The following FABP7 variants were observed in gnomAD, a reference collection of about 807,000 sequenced individuals.
The protein encoded by FABP7 is fatty acid-binding protein, brain.
FABP7 carries 13 observed loss-of-function variants against 14.2 expected under a neutral mutation model. The observed-to-expected ratio is 0.91, with a 90% CI of 0.59 to 1.45. The LOEUF (loss-of-function observed/expected upper bound fraction) is 1.45, where lower values mean the gene tolerates loss of function less well. Ranked by LOEUF, FABP7 falls within the 40% of genes most tolerant of loss-of-function variation. The probability of loss-of-function intolerance (pLI) is 0.00; values close to 1 mark genes in which losing one functional copy is unlikely to be tolerated. For synonymous variants in FABP7, 49 were observed against 51.4 expected, an observed-to-expected ratio of 0.95 and a Z score of 0.20; for missense variants, 149 against 157.6, an observed-to-expected ratio of 0.95 and a Z score of 0.29.
chr6:122,764,323 G>T, the FABP7 span, among the ~76,000 whole-genome samples: 1 of 151,998 alleles, frequency 6.6e-6, no homozygotes, highest in African/African-American at 2.4e-5. Context: ...TCACTTATAG[G>T]TGGGAATTGA....
upstream of FABP7, among the ~76,000 whole-genome samples, chr6:122,779,195 C>T (rs76812357): frequency 4.0e-3 from 607 of 152,254 alleles, 4 homozygotes; most frequent in Non-Finnish European, 6.2e-3. Context: ...CTACTCTAGC[C>T]TGCATTTCGC....
chr6:122,781,740 C>CTTT (rs34336029), intron 3 of FABP7: 12,182 of 729,636 alleles, frequency 0.017, 7 homozygotes, highest in South Asian at 0.038. Flanking sequence ...AGTGATAACC[C>CTTT]TTTTTTTTTT....
At chr6:122,763,653 T>C in the FABP7 span, among the ~76,000 whole-genome samples, 1 of 152,180 alleles carries the variant, frequency 6.6e-6, no homozygotes, top group Non-Finnish European at 1.5e-5. Flanking sequence ...GACAAAGGGC[T>C]AATATCCAGA....
the FABP7 span, among the ~76,000 whole-genome samples, chr6:122,766,172 A>G: frequency 2.0e-5 from 3 of 152,050 alleles, no homozygotes; most frequent in South Asian, 2.1e-4. Context: ...GAGTTGGGAT[A>G]TTTTCTACAC....
the FABP7 span, among the ~76,000 whole-genome samples, chr6:122,757,823 G>A: frequency 1.3e-5 from 2 of 151,860 alleles, no homozygotes; most frequent in African/African-American, 2.4e-5. Flanking sequence ...TTAAGGTGCC[G>A]GAATAAAATA....
chr6:122,751,746 T>C, the FABP7 span, among the ~76,000 whole-genome samples: 24 of 152,264 alleles, frequency 1.6e-4, no homozygotes, highest in Non-Finnish European at 1.3e-4. Context: ...CTTCCAAATT[T>C]AAGAAGGATT....
upstream of FABP7, among the ~76,000 whole-genome samples, chr6:122,778,553 G>A (rs138295425): frequency 6.6e-6 from 1 of 152,318 alleles, no homozygotes; most frequent in African/African-American, 2.4e-5. Flanking sequence ...GGATTCTCCT[G>A]CTCTGTCCCC....
At chr6:122,773,244 A>G in the FABP7 span, among the ~76,000 whole-genome samples, 1 of 152,174 alleles carries the variant, frequency 6.6e-6, no homozygotes, top group Admixed American at 6.5e-5. Context: ...CAAAATGTCT[A>G]CAAATGTAAT....
the FABP7 span, among the ~76,000 whole-genome samples, chr6:122,765,816 A>G: frequency 1.3e-5 from 2 of 151,942 alleles, no homozygotes; most frequent in African/African-American, 2.4e-5. Context: ...ACTTCTACCT[A>G]CTGATATGCC....
In FABP7 at chr6:122,780,473, T is replaced by G. The variant is rs1451682998; in HGVS notation, c.246+10T>G. The G allele has an allele frequency of 6.2e-7, 1 of 1,606,440 alleles. No individual in the cohort carries two copies. The highest frequency in any genetic ancestry group is 1.1e-5 in the South Asian group (1 of 89,110). ...TGATAGAAACTGTAAGGTGAGAAAC[T>G]GCTTCTTCTTCAGAGTGGGGATGGG... On this transcript the variant is annotated intron_variant, in intron 2 of 3. Transcript: ENST00000368444.
chr6:122,761,496 C>G, the FABP7 span, among the ~76,000 whole-genome samples: 6 of 152,028 alleles, frequency 3.9e-5, no homozygotes, highest in African/African-American at 1.2e-4. Context: ...AGAGTCAAAA[C>G]AAGAAAATCT....
the FABP7 span, among the ~76,000 whole-genome samples, chr6:122,763,201 A>G: frequency 3.3e-5 from 5 of 152,196 alleles, no homozygotes; most frequent in Admixed American, 6.5e-5. Context: ...ATATAGATCA[A>G]TGGAACAGAA....
chr6:122,764,509 C>A, the FABP7 span, among the ~76,000 whole-genome samples: 1 of 151,984 alleles, frequency 6.6e-6, no homozygotes, highest in Non-Finnish European at 1.5e-5. Flanking sequence ...GTGCATTTTG[C>A]ACATGTACCC....
chr6:122,774,291 G>C, the FABP7 span, among the ~76,000 whole-genome samples: 2 of 144,006 alleles, frequency 1.4e-5, no homozygotes, highest in African/African-American at 2.6e-5. Flanking sequence ...GAACCTGAAA[G>C]GTGGAGATTG....
At chr6:122,779,584 T>A, upstream of FABP7, 1 of 590,692 alleles carries the variant, frequency 1.7e-6, no homozygotes, top group South Asian at 2.0e-5. Flanking sequence ...ACTCGAGCGC[T>A]CCTTCCCTTC....
chr6:122,769,334 T>C, the FABP7 span, among the ~76,000 whole-genome samples: 116 of 152,274 alleles, frequency 7.6e-4, no homozygotes, highest in African/African-American at 2.7e-3. Flanking sequence ...GACTCAAAGG[T>C]CTTCAAAAAT....
the FABP7 span, among the ~76,000 whole-genome samples, chr6:122,762,206 T>G: frequency 6.6e-6 from 1 of 152,190 alleles, no homozygotes; most frequent in African/African-American, 2.4e-5. Context: ...TCAAGTGGGC[T>G]TCATCCCTGG....
At chr6:122,756,630 T>C in the FABP7 span, among the ~76,000 whole-genome samples, 1 of 152,204 alleles carries the variant, frequency 6.6e-6, no homozygotes, top group Admixed American at 6.5e-5. Context: ...AGTCCTTCTT[T>C]ATGAAAAATT....
At chr6:122,781,740 C>CAT in intron 3 of FABP7, 5 of 739,876 alleles carry the variant, frequency 6.8e-6, no homozygotes, top group Non-Finnish European at 8.0e-6. Context: ...AGTGATAACC[C>CAT]TTTTTTTTTT....
Sources: allele counts gnomAD v4.1 joint callset (sites outside exome capture counted in the v4.1 genomes callset), GRCh38; gene constraint gnomAD v4.1.1; transcripts MANE v1.5; gene names NCBI Gene and HGNC (gene_info 2026-07-23, HGNC 2026-07-21).